Variants in DMD observed in about 807,000 individuals in gnomAD.
DMD encodes the protein dystrophin, also known as mutant dystrophin.
In DMD, 63 loss-of-function variants were observed where a neutral mutation model predicts 330.1. The ratio of observed to expected loss-of-function variants is 0.19; its 90% CI spans 0.16 to 0.24. The LOEUF is 0.24. Among genes scored for constraint, DMD ranks in the 10% least tolerant of loss-of-function variants. The pLI, the probability that DMD is intolerant of heterozygous loss-of-function variation, is 1.00. For synonymous variants in DMD, 1,223 were observed against 959.8 expected (o/e 1.27, Z -5.07); for missense variants, 3,344 against 2,684.1 (o/e 1.25, Z -5.43).
At chrX:31,759,716 G>T (rs781091725) in intron 51 of DMD, among the ~76,000 whole-genome samples, 146 of 111,580 alleles carry the variant, frequency 1.3e-3, no homozygotes, top group African/African-American at 4.7e-3. Context: ...TAAATAAAAT[G>T]ATTTCGTAGA....
intron 1 of DMD, among the ~76,000 whole-genome samples, chrX:33,235,485 C>T (rs1011152991): frequency 7.1e-5 from 8 of 112,019 alleles, no homozygotes; most frequent in African/African-American, 2.6e-4. Context: ...TAGTGTATAG[C>T]GTTTAGGGGT....
chrX:31,814,170 T>C (rs893116141), intron 50 of DMD, among the ~76,000 whole-genome samples: 2 of 110,868 alleles, frequency 1.8e-5, no homozygotes, highest in African/African-American at 6.6e-5. Context: ...GAGATGATTT[T>C]ACCAGTGTTT....
intron 52 of DMD, among the ~76,000 whole-genome samples, chrX:31,701,769 G>T (rs185302525): frequency 8.9e-6 from 1 of 112,599 alleles, no homozygotes; most frequent in African/African-American, 3.2e-5. Flanking sequence ...TGTATGAGCA[G>T]CATCAGCATC....
chrX:32,732,472 A>C (rs1305875233), intron 7 of DMD, among the ~76,000 whole-genome samples: 1 of 110,892 alleles, frequency 9.0e-6, no homozygotes, highest in African/African-American at 3.3e-5. Flanking sequence ...AGATTCACCA[A>C]AGTTGAAATG....
chrX:32,909,150 C>CAAAAAA, intron 2 of DMD, among the ~76,000 whole-genome samples: 1 of 68,260 alleles, frequency 1.5e-5, no homozygotes, highest in Non-Finnish European at 2.8e-5. Context: ...TCTATATGAG[C>CAAAAAA]AAAAAAAAAA....
chrX:31,178,194 G>A lies in DMD; in HGVS notation c.10224-224C>T, dbSNP rs765411646. ...GAGCAGGTTGAAAAGAGGTGAAGAC[G>A]TCCCCTTTGATCTTGAGAATCATTA... On this transcript the variant is annotated intron_variant, in intron 70 of 78. Transcript: ENST00000357033. The A allele has an allele frequency of 1.1e-4, 85 of 752,000 alleles. No homozygotes were observed. In the African/African-American group the frequency reaches 1.7e-3, roughly 15 times the overall value. The allele number at this position is 752,000 out of a possible 1,213,427, so 62.0% of individuals were successfully genotyped here.
chrX:31,608,156 T>C (rs1204259655), intron 55 of DMD, among the ~76,000 whole-genome samples: 1 of 112,039 alleles, frequency 8.9e-6, no homozygotes, highest in Non-Finnish European at 1.9e-5. Flanking sequence ...AAACCAGAAG[T>C]TCATGTTCAC....
chrX:31,765,758 C>T (rs930699751), intron 51 of DMD, among the ~76,000 whole-genome samples: 3 of 111,292 alleles, frequency 2.7e-5, no homozygotes, highest in African/African-American at 9.8e-5. Context: ...TCATCTTATT[C>T]ACACTTATTC....
intron 55 of DMD, among the ~76,000 whole-genome samples, chrX:31,569,631 C>CGTATATAT (rs2075675336): frequency 8.3e-5 from 8 of 96,615 alleles, no homozygotes; most frequent in Non-Finnish European, 1.0e-4. Context: ...TACGTATATA[C>CGTATATAT]GTATATATAT....
intron 76 of DMD, among the ~76,000 whole-genome samples, chrX:31,139,474 T>C (rs202074963): frequency 0.052 from 5,152 of 98,490 alleles, 248 homozygotes; most frequent in East Asian, 0.14. Context: ...GGTGTTTATA[T>C]ACACACACAC....
At chrX:33,131,711 T>C (rs758278443) in intron 1 of DMD, among the ~76,000 whole-genome samples, 1 of 111,973 alleles carries the variant, frequency 8.9e-6, no homozygotes. Flanking sequence ...TCCTCCAAGC[T>C]AAAAATTCAT....
chrX:32,960,928 A>C (rs2091863304), intron 2 of DMD, among the ~76,000 whole-genome samples: 1 of 109,865 alleles, frequency 9.1e-6, no homozygotes, highest in Non-Finnish European at 1.9e-5. Context: ...AAAAAAAAAA[A>C]AAAAAAAAAA....
At chrX:33,268,957 A>G (rs2053101392) in intron 1 of DMD, among the ~76,000 whole-genome samples, 1 of 109,173 alleles carries the variant, frequency 9.2e-6, no homozygotes, top group Non-Finnish European at 1.9e-5. Flanking sequence ...GTGAGGCTGT[A>G]GATAAAAGGG....
chrX:32,082,828 C>CT (rs2096403976), intron 44 of DMD, among the ~76,000 whole-genome samples: 1 of 111,812 alleles, frequency 8.9e-6, no homozygotes, highest in African/African-American at 3.3e-5. Flanking sequence ...CATACCTCCC[C>CT]TACATGTGTG....
intron 60 of DMD, among the ~76,000 whole-genome samples, chrX:31,379,956 C>T (rs888905884): frequency 1.8e-5 from 2 of 111,747 alleles, no homozygotes; most frequent in Admixed American, 9.5e-5. Context: ...CAGATCTTCT[C>T]GGTTTAGTGG....
chrX:32,406,076 T>C, intron 30 of DMD, among the ~76,000 whole-genome samples: 1 of 111,761 alleles, frequency 8.9e-6, no homozygotes, highest in Admixed American at 9.5e-5. Flanking sequence ...TGTATAAGAA[T>C]GCTTGTGATT....
chrX:32,885,015 A>AG (rs1191070085), intron 2 of DMD, among the ~76,000 whole-genome samples: 1 of 112,087 alleles, frequency 8.9e-6, no homozygotes, highest in Non-Finnish European at 1.9e-5. Flanking sequence ...ATAATGCTGA[A>AG]GGTCAAGGAA....
intron 1 of DMD, among the ~76,000 whole-genome samples, chrX:33,250,576 A>G (rs934311216): frequency 1.8e-4 from 20 of 111,196 alleles, no homozygotes; most frequent in African/African-American, 5.9e-4. Flanking sequence ...ACATATATAC[A>G]TATATACAAA....
At chrX:32,171,304 G>C (rs1300868565) in intron 44 of DMD, among the ~76,000 whole-genome samples, 2 of 111,823 alleles carry the variant, frequency 1.8e-5, no homozygotes, top group Admixed American at 9.5e-5. Flanking sequence ...AACACAGTCA[G>C]ATAGGCAGTT....
Sources: gnomAD v4.1 joint callset for allele counts (sites outside exome capture counted in the v4.1 genomes callset) on GRCh38, gnomAD v4.1.1 for gene constraint, MANE v1.5 for transcripts, NCBI Gene and HGNC (gene_info 2026-07-23, HGNC 2026-07-21) for gene names.